The following TBCEL variants were observed in gnomAD, a reference collection of about 807,000 sequenced individuals.
The protein encoded by TBCEL is tubulin folding cofactor E like.
Under a neutral mutation model 44.2 loss-of-function variants are expected in TBCEL, and 15 were observed. That is an observed-to-expected ratio of 0.34 (90% confidence interval 0.23 to 0.52). The LOEUF is 0.52. Ranked by LOEUF, TBCEL falls within the 20% of genes least tolerant of loss-of-function variation. The probability of loss-of-function intolerance (pLI) is 0.95; values close to 1 mark genes in which losing one functional copy is unlikely to be tolerated. For synonymous variants in TBCEL, 171 were observed against 185.4 expected (o/e 0.92, Z 0.63); for missense variants, 319 against 506.3 (o/e 0.63, Z 3.55).
At chr11:121,032,723 G>A (rs1157975377) in intron 1 of TBCEL, among the ~76,000 whole-genome samples, 1 of 152,094 alleles carries the variant, frequency 6.6e-6, no homozygotes, top group Non-Finnish European at 1.5e-5. Context: ...GAAAAGCATG[G>A]CACTAGATAG....
intron 8 of TBCEL, among the ~76,000 whole-genome samples, chr11:121,086,318 A>G (rs118011839): frequency 2.2e-3 from 331 of 152,366 alleles, no homozygotes; most frequent in Non-Finnish European, 4.2e-3. Flanking sequence ...AATTAGTAAC[A>G]AAGAACTACA....
chr11:121,059,346 ATAAGT>A (rs1468351150), intron 7 of TBCEL, among the ~76,000 whole-genome samples: 2 of 151,956 alleles, frequency 1.3e-5, no homozygotes, highest in African/African-American at 4.8e-5. Context: ...TGCAAATATA[ATAAGT>A]TAATTCTTGA....
chr11:121,027,610 G>C (rs545513861), intron 1 of TBCEL, among the ~76,000 whole-genome samples: 12 of 152,126 alleles, frequency 7.9e-5, no homozygotes, highest in African/African-American at 2.4e-4. Context: ...CTTCCTTTGT[G>C]TGTAAAATTA....
At chr11:121,048,477 G>A (rs763697269) in intron 4 of TBCEL, among the ~76,000 whole-genome samples, 3 of 151,932 alleles carry the variant, frequency 2.0e-5, no homozygotes, top group African/African-American at 7.2e-5. Flanking sequence ...TGAAGAAGAA[G>A]GTTAAAATGT....
chr11:121,055,455 AATTTAAGAG>A, intron 6 of TBCEL, 147 bp downstream of exon 6: 1 of 740,842 alleles, frequency 1.3e-6, no homozygotes, highest in Non-Finnish European at 2.0e-6. Flanking sequence ...TGATTGGCTA[AATTTAAGAG>A]ATTCATTTTC....
At position 121,087,206 on chromosome 11, in the gene TBCEL, G is replaced by A; in HGVS notation, c.*110G>A. On this transcript the variant is annotated 3_prime_UTR_variant, in exon 9 of 9. Transcript: ENST00000683345. ...GGTTGTTTTTGTTTTGTTTTGTTCT[G>A]TTTAGGTTTGGGAAGGATTTTGTAT... 8.6e-7 allele frequency: 1 copy of A among 1,166,986 alleles called. No individual in the cohort carries two copies. Among genetic ancestry groups the A allele is most frequent in the Admixed American group, 2.7e-5 (1 of 36,792 alleles). 72.3% of individuals were successfully genotyped at this position (1,166,986 alleles called of 1,614,324 possible).
At chr11:121,031,650 T>C (rs1469533880) in intron 1 of TBCEL, among the ~76,000 whole-genome samples, 3 of 150,776 alleles carry the variant, frequency 2.0e-5, no homozygotes, top group Non-Finnish European at 4.4e-5. Context: ...TGAAAGTATT[T>C]CTTTTTTCTT....
intron 8 of TBCEL, among the ~76,000 whole-genome samples, chr11:121,064,325 A>T (rs77915050): frequency 0.017 from 2,570 of 152,306 alleles, 78 homozygotes; most frequent in African/African-American, 0.059. Flanking sequence ...GTTAAATGGG[A>T]ATATGATAAG....
intron 8 of TBCEL, among the ~76,000 whole-genome samples, chr11:121,081,398 G>T (rs1946123010): frequency 1.3e-5 from 2 of 152,146 alleles, no homozygotes; most frequent in African/African-American, 2.4e-5. Context: ...TCCAAAGTAG[G>T]TTTATAACAC....
At chr11:121,066,764 A>G (rs1945828742) in intron 8 of TBCEL, among the ~76,000 whole-genome samples, 1 of 152,190 alleles carries the variant, frequency 6.6e-6, no homozygotes, top group Admixed American at 6.5e-5. Flanking sequence ...CTTCCAAATT[A>G]TATCCATAAT....
intron 5 of TBCEL, 58 bp from the exon 6 acceptor site, chr11:121,054,994 G>A (rs1236636783): frequency 1.4e-6 from 2 of 1,389,398 alleles, no homozygotes; most frequent in East Asian, 2.5e-5. Context: ...ATGAAAATAG[G>A]TGTAAAGTAG....
intron 8 of TBCEL, among the ~76,000 whole-genome samples, chr11:121,069,858 AG>A (rs1316189637): frequency 2.6e-5 from 4 of 152,170 alleles, no homozygotes; most frequent in African/African-American, 7.2e-5. Context: ...GGTAGGAAAC[AG>A]GGCAGTCCGT....
chr11:121,035,547 C>T lies in TBCEL; in HGVS notation c.-125-958C>T, dbSNP rs1387052805. 7 of 151,222 alleles carry T rather than the reference C, an allele frequency of 4.6e-5. No homozygotes were observed. In the South Asian group the frequency reaches 1.5e-3, roughly 32 times the overall value. 9.4% of individuals were successfully genotyped at this position (151,222 alleles called of 1,614,324 possible). A position where few individuals can be genotyped will look rare whatever the true frequency, so the allele number is the denominator to read the frequency against. On this transcript the variant is annotated intron_variant, in intron 1 of 8. Transcript: ENST00000683345. ...TTGATGTTTCAACATTCTGGCAATC[C>T]CTGGTTATTAGCCAGGGTGGTTTGT...
chr11:121,056,300 G>T (rs1357310164), intron 6 of TBCEL, among the ~76,000 whole-genome samples: 1 of 151,710 alleles, frequency 6.6e-6, no homozygotes, highest in African/African-American at 2.4e-5. Context: ...CCTTTTCATG[G>T]CTTGATAGCT....
At chr11:121,047,407 C>G in intron 3 of TBCEL, 121 bp from the exon 4 acceptor site, 1 of 1,213,806 alleles carries the variant, frequency 8.2e-7, no homozygotes, top group Non-Finnish European at 1.2e-6. Flanking sequence ...CCTGTATTTT[C>G]TAGATCCTTA....
chr11:121,033,445 A>G (rs1163989104), intron 1 of TBCEL, among the ~76,000 whole-genome samples: 1 of 152,204 alleles, frequency 6.6e-6, no homozygotes, highest in Non-Finnish European at 1.5e-5. Context: ...AAGATTGTAT[A>G]CATCGTAAAT....
chr11:121,056,434 TG>T (rs1945622146), intron 6 of TBCEL, among the ~76,000 whole-genome samples: 1 of 152,026 alleles, frequency 6.6e-6, no homozygotes, highest in East Asian at 1.9e-4. Flanking sequence ...TGAATAAAGC[TG>T]CTGTAAACAT....
At chr11:121,082,592 G>C (rs1247361298) in intron 8 of TBCEL, among the ~76,000 whole-genome samples, 1 of 152,204 alleles carries the variant, frequency 6.6e-6, no homozygotes, top group Non-Finnish European at 1.5e-5. Flanking sequence ...GATACAATTT[G>C]TGCTTTATAA....
At chr11:121,066,587 C>T (rs1486454558) in intron 8 of TBCEL, among the ~76,000 whole-genome samples, 1 of 152,182 alleles carries the variant, frequency 6.6e-6, no homozygotes, top group Non-Finnish European at 1.5e-5. Context: ...CTTTTGAGCC[C>T]TTGCAGTATG....
Sources: allele counts gnomAD v4.1 joint callset (sites outside exome capture counted in the v4.1 genomes callset), GRCh38; gene constraint gnomAD v4.1.1; transcripts MANE v1.5; gene names NCBI Gene and HGNC (gene_info 2026-07-23, HGNC 2026-07-21).